The following GART variants were observed in gnomAD, a reference collection of about 807,000 sequenced individuals.
GART encodes trifunctional purine biosynthetic protein adenosine-3.
In GART, 43 loss-of-function variants were observed where a neutral mutation model predicts 107.2. The observed-to-expected ratio is 0.40, with a 90% CI of 0.31 to 0.52. The LOEUF (loss-of-function observed/expected upper bound fraction) is 0.52, where lower values mean the gene tolerates loss of function less well. Ranked by LOEUF, GART falls within the 20% of genes least tolerant of loss-of-function variation. The pLI is 0.52. For missense variants in GART, 1,107 were observed against 1,206.5 expected, an observed-to-expected ratio of 0.92 and a Z score of 1.22; for synonymous variants, 434 against 427.0, an observed-to-expected ratio of 1.02 and a Z score of -0.20.
At chr21:33,513,224 C>T (rs921832743) in intron 16 of GART, among the ~76,000 whole-genome samples, 1 of 151,910 alleles carries the variant, frequency 6.6e-6, no homozygotes, top group Non-Finnish European at 1.5e-5. Context: ...CTCAGCCTCC[C>T]GAAGTGCTGG....
rs750180450 is a variant in GART, at chr21:33,505,609, C to T, written c.2677G>A (p.Ala893Thr). The change falls in exon 20 of 22, where the codon GCA becomes ACA. Residue 893 changes from alanine (A) to threonine (T), a missense_variant. Ala to Thr is a moderately conservative substitution (Grantham distance 58). Transcript: ENST00000381815. ...EEFSIDIVCL[A>T]GFMRILSGPF... ...CCAGAAAGAATTCTCATGAATCCTG[C>T]AAGACAGACTATGTCTATGGAGAAC... The T allele has an allele frequency of 1.9e-6, 3 of 1,610,874 alleles. No individual in the cohort carries two copies. The highest frequency in any genetic ancestry group is 2.5e-6 in the Non-Finnish European group (3 of 1,178,934).
chr21:33,528,542 G>T lies in GART; in HGVS notation c.874C>A (p.Arg292Ser). 6.2e-7 allele frequency: 1 copy of T among 1,609,250 alleles called. No homozygotes were observed. Among genetic ancestry groups the T allele is most frequent in the South Asian group, 1.1e-5 (1 of 90,108 alleles). Reference protein sequence around the residue: ...NGPKVLEFNCRFGDPECQVIL... With the variant: ...NGPKVLEFNCSFGDPECQVIL... ...ACTTGGCACTCTGGATCACCAAAAC[G>T]GCAATTAAACTCTAGAACTTTTGGG... The change falls in exon 9 of 22, where the codon CGT (arginine) becomes AGT (serine). Residue 292 changes from arginine (R) to serine (S), a missense_variant. Arg to Ser is a moderately radical substitution (Grantham distance 110). Coordinates refer to ENST00000381815, the MANE Select transcript of GART (RefSeq NM_000819.5).
rs1348453295 is a variant in GART, at chr21:33,542,053, G to A, written c.-42+12C>T. On this transcript the variant is annotated intron_variant, in intron 1 of 21. Transcript: ENST00000381815. ...AGCGCGCTCCGTGTAAAAGCGGAGG[G>A]GGTTTACGCACCGACACCGGGTGGC... 2 of 152,218 alleles carry A rather than the reference G, an allele frequency of 1.3e-5. No individual in the cohort carries two copies. Among genetic ancestry groups the A allele is most frequent in the Non-Finnish European group, 2.9e-5 (2 of 68,038 alleles). 9.4% of individuals were successfully genotyped at this position (152,218 alleles called of 1,614,324 possible).
chr21:33,510,907 G>A (rs968347567), intron 17 of GART, among the ~76,000 whole-genome samples: 10 of 152,068 alleles, frequency 6.6e-5, no homozygotes, highest in Non-Finnish European at 1.3e-4. Context: ...AGCACTTCTC[G>A]CAGAGTCCTG....
Position 33,522,278 on chromosome 21 carries a change from A to G in GART, c.1303T>C (p.Leu435=), listed in dbSNP as rs990783556. 2 of 1,608,938 alleles carry G rather than the reference A, an allele frequency of 1.2e-6. No homozygotes were observed. Among genetic ancestry groups the G allele is most frequent in the South Asian group, 1.1e-5 (1 of 90,938 alleles). The change falls in exon 12 of 22, where the codon TTG becomes CTG. Residue 435 remains leucine, a synonymous_variant. Transcript: ENST00000381815. ...AIAFLQQPRS[L]TYKESGVDIA... ...TCTACTCCAGATTCCTTGTAAGTCA[A>G]ACTCCTAAAGAATTAAAAACAAGTC...
Position 33,509,876 on chromosome 21 carries a change from T to C in GART, c.2359A>G (p.Ile787Val). Residue 787 changes from isoleucine to valine, a missense_variant, in exon 18 of 22, where the codon ATA becomes GTA. Transcript: ENST00000381815. Reference protein sequence around the residue: ...KVKNLIESMQINGSVLKNGSL... With the variant: ...KVKNLIESMQVNGSVLKNGSL... ...CCATTCTTCAACACTGACCCATTTA[T>C]TTGCATGCTTTCAATCAGATTCTTG... 6.2e-7 allele frequency: 1 copy of C among 1,613,736 alleles called. No homozygotes were observed. Among genetic ancestry groups the C allele is most frequent in the South Asian group, 1.1e-5 (1 of 91,028 alleles).
rs780614268 is a variant in GART, at chr21:33,528,930, T to C, written c.731A>G (p.Asn244Ser). 1.2e-6 allele frequency: 2 copies of C among 1,609,068 alleles called. No individual in the cohort carries two copies. The highest frequency in any genetic ancestry group is 1.7e-5 in the Admixed American group (1 of 59,990). The change falls in exon 8 of 22, where the codon AAT (asparagine) becomes AGT (serine). Residue 244 changes from asparagine to serine, a missense_variant. Coordinates refer to ENST00000381815, the MANE Select transcript of GART (RefSeq NM_000819.5). ...ATCTTTAATTTTTAGTAATAGATCA[T>C]TAGAAACCTGGAGAACGTGCAGAAA... ...GAYCPAPQVS[N>S]DLLLKIKDTV...
chr21:33,520,272 T>C, intron 14 of GART, 92 bp downstream of exon 14: 1 of 1,052,008 alleles, frequency 9.5e-7, no homozygotes, highest in Admixed American at 1.9e-5. Context: ...CAGTCTCTCT[T>C]GCTAGCTACA....
chr21:33,524,655 C>G (rs1804385), intron 11 of GART, 114 bp downstream of exon 11: 337,766 of 1,499,072 alleles, frequency 0.23, 39,478 homozygotes, highest in Non-Finnish European at 0.24. Flanking sequence ...GACTGTATCA[C>G]TCCCACAGAG....
Position 33,528,931 on chromosome 21 carries a change from T to G in GART, c.730A>C (p.Asn244His), listed in dbSNP as rs200556560. 31 of 1,608,680 alleles carry G rather than the reference T, an allele frequency of 1.9e-5. No homozygotes were observed. The African/African-American group carries it at 3.9e-4, about 20-fold the overall frequency. ...TCTTTAATTTTTAGTAATAGATCAT[T>G]AGAAACCTGGAGAACGTGCAGAAAC... Reference protein sequence around the residue: ...GAYCPAPQVSNDLLLKIKDTV... With the variant: ...GAYCPAPQVSHDLLLKIKDTV... Residue 244 changes from asparagine (N) to histidine (H), a missense_variant, in exon 8 of 22, where the codon AAT becomes CAT. Transcript: ENST00000381815.
At chr21:33,511,715 C>T (rs962095546) in intron 16 of GART, among the ~76,000 whole-genome samples, 1 of 152,134 alleles carries the variant, frequency 6.6e-6, no homozygotes. Flanking sequence ...TAACTAGACC[C>T]TTAGACATTC....
Position 33,524,956 on chromosome 21 carries a change from C to T in GART, c.1111G>A (p.Gly371Ser), listed in dbSNP as rs1601203317. Residue 371 changes from glycine (G) to serine (S), a missense_variant, in exon 11 of 22, where the codon GGC becomes AGC. Physicochemically the swap from Gly to Ser is moderately conservative, Grantham distance 56. Coordinates refer to ENST00000381815, the MANE Select transcript of GART (RefSeq NM_000819.5). Reference protein sequence around the residue: ...QALGLEVFHAGTALKNGKVVT... With the variant: ...QALGLEVFHASTALKNGKVVT... ...ACTTTGCCATTTTTGAGGGCAGTGC[C>T]TGCATGGAACACCTCCAGTCCTAGA... is the stretch of plus-strand genomic sequence containing the variant. The T allele has an allele frequency of 6.2e-7, 1 of 1,614,200 alleles. No individual in the cohort carries two copies. The highest frequency in any genetic ancestry group is 2.2e-5 in the East Asian group (1 of 44,892).
intron 16 of GART, among the ~76,000 whole-genome samples, chr21:33,516,419 A>G (rs1005010724): frequency 6.6e-6 from 1 of 152,146 alleles, no homozygotes; most frequent in Non-Finnish European, 1.5e-5. Context: ...ACGTGCAAAT[A>G]ATCACCCAAT....
At chr21:33,540,868 G>C (rs1465954844) in intron 1 of GART, among the ~76,000 whole-genome samples, 2 of 152,082 alleles carry the variant, frequency 1.3e-5, no homozygotes, top group Admixed American at 6.5e-5. Context: ...TCCTATGAGG[G>C]AGATACTATT....
Position 33,517,113 on chromosome 21 carries a change from G to T in GART, c.1983C>A (p.Ile661=). 6.2e-7 allele frequency: 1 copy of T among 1,612,186 alleles called. No homozygotes were observed. Among genetic ancestry groups the T allele is most frequent in the Non-Finnish European group, 8.5e-7 (1 of 1,179,578 alleles). ...GGACAGGTAACAGTGAATGGCTGTA[G>T]ATTCTGGTAGGCGTGAGAAGTAAGT... The part of the protein sequence containing the change: ...LGDLLLTPTR[I]YSHSLLPVLR... The change falls in exon 16 of 22, where the codon ATC becomes ATA. Residue 661 remains isoleucine (I), a synonymous_variant. Coordinates refer to ENST00000381815, the MANE Select transcript of GART (RefSeq NM_000819.5).
intron 16 of GART, among the ~76,000 whole-genome samples, chr21:33,513,368 G>A (rs1335273604): frequency 1.3e-5 from 2 of 151,842 alleles, no homozygotes; most frequent in East Asian, 2.0e-4. Context: ...TCAGGAGTTC[G>A]ACACCAGCCT....
chr21:33,523,174 C>T (rs2145720372), intron 11 of GART, among the ~76,000 whole-genome samples: 1 of 152,198 alleles, frequency 6.6e-6, no homozygotes, highest in Middle Eastern at 3.4e-3. Flanking sequence ...CTCTGGCCTG[C>T]TGGGATGCAG....
At chr21:33,530,702 G>A in intron 7 of GART, 57 bp downstream of exon 7, 1 of 1,337,964 alleles carries the variant, frequency 7.5e-7, no homozygotes, top group Non-Finnish European at 9.7e-7. Flanking sequence ...TATCATCTAA[G>A]AGTTCTCTGA....
chr21:33,513,105 CTGTGTGTGTGTG>C lies in GART; in HGVS notation c.2108-1659_2108-1648del, dbSNP rs3057407. On this transcript the variant is annotated intron_variant, in intron 16 of 21. Coordinates refer to ENST00000381815, the MANE Select transcript of GART (RefSeq NM_000819.5). Reference sequence around the variant, plus strand: ...TATTTGTGTGTGTGTGTGTGTGTCTCTGTGTGTGTGTGTGTGTGTGTGTGTGTGTGTGTATTT... The same window carrying C: ...TATTTGTGTGTGTGTGTGTGTGTCTCTGTGTGTGTGTGTGTGTGTGTATTT... 8.2e-3 allele frequency among the ~76,000 whole-genome samples: 1,190 copies of C among 144,644 alleles called. 18 individuals carry two copies. The highest frequency in any genetic ancestry group is 0.028 in the African/African-American group (1,091 of 38,876). The allele number at this position is 144,644 out of a possible 152,430, so 94.9% of individuals were successfully genotyped here.
Sources: gnomAD v4.1 joint callset for allele counts (sites outside exome capture counted in the v4.1 genomes callset) on GRCh38, gnomAD v4.1.1 for gene constraint, MANE v1.5 for transcripts, NCBI Gene and HGNC (gene_info 2026-07-23, HGNC 2026-07-21) for gene names.